STRBP: variants seen among roughly 807,000 people sequenced by gnomAD.
STRBP encodes the protein spermatid perinuclear RNA binding protein.
In STRBP, 13 loss-of-function variants were observed where a neutral mutation model predicts 80.1. The ratio of observed to expected loss-of-function variants is 0.16; its 90% CI spans 0.11 to 0.26. The LOEUF (loss-of-function observed/expected upper bound fraction) is 0.26, where lower values mean the gene tolerates loss of function less well. Ranked by LOEUF, STRBP falls within the 10% of genes least tolerant of loss-of-function variation. The probability of loss-of-function intolerance (pLI) is 1.00; values close to 1 mark genes in which losing one functional copy is unlikely to be tolerated. For missense variants in STRBP, 485 were observed against 815.2 expected, an observed-to-expected ratio of 0.59 and a Z score of 4.93; for synonymous variants, 284 against 291.2, an observed-to-expected ratio of 0.98 and a Z score of 0.25.
intron 5 of STRBP, among the ~76,000 whole-genome samples, chr9:123,171,950 C>G (rs1360903456): frequency 6.6e-6 from 1 of 152,152 alleles, no homozygotes; most frequent in Non-Finnish European, 1.5e-5. Flanking sequence ...CTGCGATGCT[C>G]ATAAATAAAG....
chr9:123,235,506 A>AG (rs1171468988), intron 2 of STRBP, among the ~76,000 whole-genome samples: 1 of 113,498 alleles, frequency 8.8e-6, no homozygotes, highest in Non-Finnish European at 1.6e-5. Flanking sequence ...GAGCAACTTC[A>AG]GGAAAAAAAA....
At position 123,125,544 on chromosome 9, in the gene STRBP, C is replaced by T. The variant is rs1018230527; in HGVS notation, c.*53G>A. On this transcript the variant is annotated 3_prime_UTR_variant, in exon 19 of 19. Coordinates refer to ENST00000348403, the MANE Select transcript of STRBP (RefSeq NM_018387.5). ...CAGGATAAAAAGGCTTTTTCTCTAA[C>T]ATTCTGTGTTGTACTGTATTGTTGT... The T allele has an allele frequency of 1.4e-6, 2 of 1,469,322 alleles. No homozygotes were observed. The highest frequency in any genetic ancestry group is 1.8e-6 in the Non-Finnish European group (2 of 1,106,250). The allele number at this position is 1,469,322 out of a possible 1,614,324, so 91.0% of individuals were successfully genotyped here.
Position 123,184,263 on chromosome 9 carries a change from T to A in STRBP, c.-129A>T. 1.2e-6 allele frequency: 1 copy of A among 806,424 alleles called. No homozygotes were observed. The highest frequency in any genetic ancestry group is 1.9e-6 in the Non-Finnish European group (1 of 515,848). The allele number at this position is 806,424 out of a possible 1,614,324, so 50.0% of individuals were successfully genotyped here. A position where few individuals can be genotyped will look rare whatever the true frequency, so the allele number is the denominator to read the frequency against. On this transcript the variant is annotated 5_prime_UTR_variant, in exon 3 of 19. Coordinates refer to ENST00000348403, the MANE Select transcript of STRBP (RefSeq NM_018387.5). ...GTCCCCTGACAGCTCAGCGTCAATA[T>A]AGCAAATGTCTGAAGGCTTGTTCTC...
chr9:123,223,262 T>C (rs2040130244), intron 2 of STRBP, among the ~76,000 whole-genome samples: 1 of 152,168 alleles, frequency 6.6e-6, no homozygotes, highest in East Asian at 1.9e-4. Context: ...AGCATGAAAG[T>C]ATTCTTTATG....
intron 4 of STRBP, among the ~76,000 whole-genome samples, chr9:123,175,077 T>A (rs1365169569): frequency 6.6e-6 from 1 of 152,172 alleles, no homozygotes; most frequent in Non-Finnish European, 1.5e-5. Context: ...TCACATATTC[T>A]CATTTAAATC....
Position 123,132,767 on chromosome 9 carries a change from C to G in STRBP, c.1897+78G>C, listed in dbSNP as rs547220010. On this transcript the variant is annotated intron_variant, in intron 17 of 18. Transcript: ENST00000348403. Reference sequence around the variant, plus strand: ...TATATTTCCACAAACCCTGTACAACCTTAGAAAATGCAGGAGATGCTATTC... The same window carrying G: ...TATATTTCCACAAACCCTGTACAACGTTAGAAAATGCAGGAGATGCTATTC... 3.2e-6 allele frequency: 5 copies of G among 1,574,168 alleles called. No individual in the cohort carries two copies. The African/African-American group carries it at 6.8e-5, about 21-fold the overall frequency.
chr9:123,224,969 T>C (rs1226376716), intron 2 of STRBP, among the ~76,000 whole-genome samples: 3 of 152,184 alleles, frequency 2.0e-5, no homozygotes, highest in South Asian at 2.1e-4. Flanking sequence ...TATGTGTCCA[T>C]CAATAGTACA....
At chr9:123,191,984 T>A (rs912143985) in intron 2 of STRBP, among the ~76,000 whole-genome samples, 5 of 152,182 alleles carry the variant, frequency 3.3e-5, no homozygotes, top group Non-Finnish European at 7.3e-5. Flanking sequence ...TCTGGATATA[T>A]TTTGAAGGTA....
At position 123,234,097 on chromosome 9, in the gene STRBP, A is replaced by G. The variant is rs182674101; in HGVS notation, c.-165+2733T>C. 1.5e-3 allele frequency among the ~76,000 whole-genome samples: 227 copies of G among 151,058 alleles called. 3 individuals are homozygous for G. In the East Asian group the frequency reaches 0.038, roughly 25 times the overall value. On this transcript the variant is annotated intron_variant, in intron 2 of 18. Transcript: ENST00000348403. ...GCGCCTGTAGTCCCAGCTACTCAGG[A>G]GGCTGAGGCAGGAGAATGGCATGAA...
intron 1 of STRBP, among the ~76,000 whole-genome samples, chr9:123,268,069 TGCCCCGA>T (rs1025968178): frequency 1.4e-5 from 1 of 73,854 alleles, no homozygotes; most frequent in Non-Finnish European, 2.7e-5. Context: ...CTCCAACACC[TGCCCCGA>T]GCCCCGAGCC....
chr9:123,180,057 C>A (rs1260450436), intron 3 of STRBP, among the ~76,000 whole-genome samples: 1 of 152,004 alleles, frequency 6.6e-6, no homozygotes, highest in Non-Finnish European at 1.5e-5. Flanking sequence ...AAGTTGGAGA[C>A]CAGCCTGGGT....
At chr9:123,254,174 C>A (rs1273030002) in intron 1 of STRBP, among the ~76,000 whole-genome samples, 1 of 152,090 alleles carries the variant, frequency 6.6e-6, no homozygotes, top group Non-Finnish European at 1.5e-5. Flanking sequence ...TTTCCTGGTA[C>A]ACATTTCTAA....
intron 2 of STRBP, among the ~76,000 whole-genome samples, chr9:123,202,369 A>G (rs2039358363): frequency 1.3e-5 from 2 of 152,144 alleles, no homozygotes; most frequent in Admixed American, 6.5e-5. Context: ...TTCAAGGTTT[A>G]TAACTCCTTT....
At chr9:123,189,225 C>T (rs1174302408) in intron 2 of STRBP, among the ~76,000 whole-genome samples, 13 of 141,858 alleles carry the variant, frequency 9.2e-5, no homozygotes, top group East Asian at 2.1e-4. Context: ...AACCAAACAC[C>T]GCATGTTCTC....
chr9:123,210,401 C>A (rs1458150721), intron 2 of STRBP, among the ~76,000 whole-genome samples: 8 of 148,944 alleles, frequency 5.4e-5, no homozygotes, highest in Non-Finnish European at 7.4e-5. Flanking sequence ...AAAAAGAAGT[C>A]TTTTTATATT....
At position 123,139,643 on chromosome 9, in the gene STRBP, A is replaced by G. The variant is rs1337146722; in HGVS notation, c.1383T>C (p.Ile461=). Residue 461 remains isoleucine, a synonymous_variant, in exon 14 of 19, where the codon ATT becomes ATC. Transcript: ENST00000348403. ...MGYPTGFDAD[I]ECMSSDEKSD... ...ATTTTTCATCGGAACTCATACATTC[A>G]ATATCTGCATCAAAGCCTGTTGGAT... 6.2e-7 allele frequency: 1 copy of G among 1,612,676 alleles called. No individual in the cohort carries two copies. Among genetic ancestry groups the G allele is most frequent in the Non-Finnish European group, 8.5e-7 (1 of 1,179,816 alleles).
downstream of STRBP, among the ~76,000 whole-genome samples, chr9:123,116,832 A>G (rs1298301662): frequency 6.6e-6 from 1 of 152,196 alleles, no homozygotes; most frequent in East Asian, 1.9e-4. Flanking sequence ...CACCTTATCT[A>G]AGCATCTATT....
At chr9:123,249,271 C>T (rs1353690498) in intron 1 of STRBP, among the ~76,000 whole-genome samples, 2 of 152,030 alleles carry the variant, frequency 1.3e-5, no homozygotes, top group African/African-American at 4.8e-5. Flanking sequence ...CCCAGCTACT[C>T]GGGAGGCTGA....
intron 6 of STRBP, among the ~76,000 whole-genome samples, chr9:123,168,030 T>C (rs2037844167): frequency 6.6e-6 from 1 of 152,140 alleles, no homozygotes; most frequent in Non-Finnish European, 1.5e-5. Context: ...AAAGGGATGC[T>C]GACAGATACA....
Sources: allele counts gnomAD v4.1 joint callset (sites outside exome capture counted in the v4.1 genomes callset), GRCh38; gene constraint gnomAD v4.1.1; transcripts MANE v1.5; gene names NCBI Gene and HGNC (gene_info 2026-07-23, HGNC 2026-07-21).